ZNF831: variants seen among roughly 807,000 people sequenced by gnomAD.
The protein encoded by ZNF831 is chromosome 20 open reading frame 174.
A neutral mutation model predicts 95.8 loss-of-function variants in ZNF831; 59 were observed. The observed-to-expected ratio is 0.62, with a 90% CI of 0.50 to 0.77. The LOEUF is 0.77. ZNF831 is among the 30% of genes least tolerant of loss of function. The pLI is 0.00. For synonymous variants in ZNF831, 961 were observed against 925.5 expected (o/e 1.04, Z -0.70); for missense variants, 2,205 against 2,164.0 (o/e 1.02, Z -0.38).
chr20:59,151,780 G>A (rs529241140), intron 2 of ZNF831, among the ~76,000 whole-genome samples: 45 of 152,168 alleles, frequency 3.0e-4, no homozygotes, highest in Non-Finnish European at 5.6e-4. Flanking sequence ...TACTGGTGCC[G>A]GCTGAGCCCC....
In ZNF831 at chr20:59,169,208, A is replaced by G. The variant is rs1981533299; in HGVS notation, c.-37+5001A>G. ...AGGGAGCTTCAAAATTGCAAATTCAATCTGATAAATAGTTATAGTGTGATT... is the reference window on the plus strand; with the variant it reads ...AGGGAGCTTCAAAATTGCAAATTCAGTCTGATAAATAGTTATAGTGTGATT... On this transcript the variant is annotated intron_variant, in intron 1 of 5. Transcript: ENST00000371030. The surrounding 1 kb of genome is among the most constrained non-coding windows in gnomAD (Gnocchi z 4.1). 6.6e-6 allele frequency among the ~76,000 whole-genome samples: 1 copy of G among 152,216 alleles called. No homozygotes were observed. Among genetic ancestry groups the G allele is most frequent in the Admixed American group, 6.5e-5 (1 of 15,282 alleles).
Position 59,155,021 on chromosome 20 carries a change from C to T in ZNF831, c.-1280-4631C>T, listed in dbSNP as rs138317068. Among the ~76,000 whole-genome samples, 443 of 152,362 alleles carry T rather than the reference C, an allele frequency of 2.9e-3. 3 individuals are homozygous for T. Among genetic ancestry groups the T allele is most frequent in the Non-Finnish European group, 5.5e-3 (374 of 68,042 alleles). ...CAAGGGGGCCGCTTTCTTATTCTCC[C>T]CTGATCTTACAGCCGTGAATGAAAC... On this transcript the variant is annotated intron_variant, in intron 2 of 7. Transcript: ENST00000637017.
At chr20:59,242,321 C>T (rs1987383027) in intron 4 of ZNF831, among the ~76,000 whole-genome samples, 1 of 152,138 alleles carries the variant, frequency 6.6e-6, no homozygotes, top group Admixed American at 6.5e-5. Flanking sequence ...AAGAAATGGG[C>T]TGTTGTTTAT....
At position 59,194,372 on chromosome 20, in the gene ZNF831, C is replaced by A. The variant is rs1437672126; in HGVS notation, c.3353C>A (p.Pro1118His). The A allele has an allele frequency of 6.2e-7, 1 of 1,611,140 alleles. No individual in the cohort carries two copies. Among genetic ancestry groups the A allele is most frequent in the South Asian group, 1.1e-5 (1 of 90,794 alleles). ...GCCCCAGAAGATCCTTCTTCAGGGCCCCTGGTGGGCCCCGACCCGTGTTCC... is the reference window on the plus strand; with the variant it reads ...GCCCCAGAAGATCCTTCTTCAGGGCACCTGGTGGGCCCCGACCCGTGTTCC... ...GNAPEDPSSG[P>H]LVGPDPCSPL... The change falls in exon 2 of 6, where the codon CCC (proline) becomes CAC (histidine). Residue 1118 changes from proline to histidine, a missense_variant. Pro to His is a moderately conservative substitution (Grantham distance 77). Coordinates refer to ENST00000371030, the MANE Select transcript of ZNF831 (RefSeq NM_178457.3).
At chr20:59,175,838 G>A (rs1283184804) in intron 1 of ZNF831, among the ~76,000 whole-genome samples, 1 of 152,190 alleles carries the variant, frequency 6.6e-6, no homozygotes, top group Non-Finnish European at 1.5e-5. Flanking sequence ...GACATTTTGG[G>A]CATTATGGTA....
intron 1 of ZNF831, among the ~76,000 whole-genome samples, chr20:59,186,609 A>G (rs951821127): frequency 4.6e-5 from 7 of 152,150 alleles, no homozygotes; most frequent in Admixed American, 2.6e-4. Flanking sequence ...ATTCAGGCCT[A>G]CTGGTCTCCT....
intron 3 of ZNF831, among the ~76,000 whole-genome samples, chr20:59,200,733 A>G (rs1440716371): frequency 1.3e-5 from 2 of 151,936 alleles, no homozygotes; most frequent in East Asian, 1.9e-4. Flanking sequence ...ATCATACAAT[A>G]TATGCTCTCT....
At position 59,217,137 on chromosome 20, in the gene ZNF831, G is replaced by C. The variant is rs1029672126; in HGVS notation, c.4027+10081G>C. On this transcript the variant is annotated intron_variant, in intron 4 of 5. Transcript: ENST00000371030. This position sits in a 1 kb window ranked among gnomAD's most constrained non-coding sequence, Gnocchi z 4.4. ...AGGTAAAATGACAGTTTGGAGTCTG[G>C]AGTACATCTGACAGATCTTCATCTC... 1.1e-4 allele frequency among the ~76,000 whole-genome samples: 17 copies of C among 151,454 alleles called. No individual in the cohort carries two copies. Among genetic ancestry groups the C allele is most frequent in the South Asian group, 2.1e-4 (1 of 4,798 alleles).
intron 1 of ZNF831, among the ~76,000 whole-genome samples, chr20:59,172,132 C>A (rs896686257): frequency 6.6e-6 from 1 of 152,148 alleles, no homozygotes; most frequent in African/African-American, 2.4e-5. Context: ...ATGACTGAGT[C>A]ACGTTACTTG....
chr20:59,147,707 C>T (rs1192380822), intron 2 of ZNF831, among the ~76,000 whole-genome samples: 1 of 152,226 alleles, frequency 6.6e-6, no homozygotes, highest in South Asian at 2.1e-4. Flanking sequence ...TGGAGAACAT[C>T]TTCCAATATA....
intron 1 of ZNF831, among the ~76,000 whole-genome samples, chr20:59,139,113 T>C (rs926056627): frequency 1.3e-5 from 2 of 152,214 alleles, no homozygotes; most frequent in Non-Finnish European, 2.9e-5. Flanking sequence ...CTCTGTAATT[T>C]TGTCATTTGG....
rs1399771182 is a variant in ZNF831 at position 59,207,021 on chromosome 20, G to T, written c.3992G>T (p.Cys1331Phe). 1 of 1,614,222 alleles carries T rather than the reference G, an allele frequency of 6.2e-7. No homozygotes were observed. Among genetic ancestry groups the T allele is most frequent in the East Asian group, 2.2e-5 (1 of 44,890 alleles). ...CCCGCACTTGAGGGACTGAAGCCAT[G>T]CAGGACCCCTGGGCAGACCTCTTCA... The part of the protein sequence containing the change: ...HPPALEGLKP[C>F]RTPGQTSSEI... The change falls in exon 4 of 6, where the codon TGC (cysteine) becomes TTC (phenylalanine). Residue 1331 changes from cysteine to phenylalanine, a missense_variant. Transcript: ENST00000371030.
In ZNF831 at chr20:59,256,758, C is replaced by CTGAA. The variant is rs2146781100; in HGVS notation, c.*2016_*2019dup. The CTGAA allele has an allele frequency of 6.6e-6, 1 of 152,314 alleles. No homozygotes were observed. The highest frequency in any genetic ancestry group is 1.9e-4 in the East Asian group (1 of 5,184). 9.4% of individuals were successfully genotyped at this position (152,314 alleles called of 1,614,324 possible). A position where few individuals can be genotyped will look rare whatever the true frequency, so the allele number is the denominator to read the frequency against. On this transcript the variant is annotated 3_prime_UTR_variant, in exon 6 of 6. Coordinates refer to ENST00000371030, the MANE Select transcript of ZNF831 (RefSeq NM_178457.3). ...AAGTTTGGGTGGGGACAGTGAGGAA[C>CTGAA]TGAAACACAAGCACCTTCCACCAAT...
intron 1 of ZNF831, among the ~76,000 whole-genome samples, chr20:59,170,329 G>C (rs978110238): frequency 3.9e-5 from 6 of 152,124 alleles, no homozygotes; most frequent in Non-Finnish European, 8.8e-5. Context: ...ATTTTGAGAT[G>C]TATTTTTGTT....
chr20:59,191,666 A>G lies in ZNF831; in HGVS notation c.647A>G (p.Glu216Gly), dbSNP rs2146551356. Residue 216 changes from glutamate to glycine, a missense_variant, in exon 2 of 6, where the codon GAA becomes GGA. Physicochemically the swap from Glu to Gly is moderately conservative, Grantham distance 98 (BLOSUM62 -2). Coordinates refer to ENST00000371030, the MANE Select transcript of ZNF831 (RefSeq NM_178457.3). ...SEGAGGGLLEEGDKAGEPPRP... is the reference protein window; with the variant it reads ...SEGAGGGLLEGGDKAGEPPRP... ...GGCGCCGGGGGCGGCCTCCTGGAGG[A>G]AGGGGACAAGGCCGGAGAGCCCCCC... 6.4e-7 allele frequency: 1 copy of G among 1,559,224 alleles called. No individual in the cohort carries two copies. The highest frequency in any genetic ancestry group is 8.7e-7 in the Non-Finnish European group (1 of 1,152,902).
rs1983530279 is a variant in ZNF831 at position 59,191,557 on chromosome 20, G to C, written c.538G>C (p.Ala180Pro). Residue 180 changes from alanine to proline, a missense_variant, in exon 2 of 6, where the codon GCC becomes CCC. Ala to Pro is a conservative substitution (Grantham distance 27). Coordinates refer to ENST00000371030, the MANE Select transcript of ZNF831 (RefSeq NM_178457.3). ...CTTCCCGTGTGCCACCTGCGGCATC[G>C]CCTTTAAGACCCAGAGCAATCTCTA... ...RPFPCATCGI[A>P]FKTQSNLYKH... is the part of the protein sequence containing the mutation. The C allele has an allele frequency of 6.2e-7, 1 of 1,612,792 alleles. No homozygotes were observed.
chr20:59,137,246 C>T (rs1041944442), intron 1 of ZNF831, among the ~76,000 whole-genome samples: 4 of 151,180 alleles, frequency 2.6e-5, no homozygotes, highest in Non-Finnish European at 5.9e-5. Context: ...AAGTTATATG[C>T]ACTAATATGC....
chr20:59,224,122 C>T lies in ZNF831; in HGVS notation c.4027+17066C>T, dbSNP rs147224549. ...GCACCCACTTTGAGTACCCTCGCACCAGGAGGCCTTCAGAAGCCACCTTGG... is the reference window on the plus strand; with the variant it reads ...GCACCCACTTTGAGTACCCTCGCACTAGGAGGCCTTCAGAAGCCACCTTGG... On this transcript the variant is annotated intron_variant, in intron 4 of 5. Coordinates refer to ENST00000371030, the MANE Select transcript of ZNF831 (RefSeq NM_178457.3). Among the ~76,000 whole-genome samples the T allele has an allele frequency of 1.3e-4, 20 of 152,340 alleles. No homozygotes were observed. In the East Asian group the frequency reaches 2.9e-3, roughly 22 times the overall value.
chr20:59,127,418 C>G (rs1274008845), intron 1 of ZNF831, among the ~76,000 whole-genome samples: 1 of 152,200 alleles, frequency 6.6e-6, no homozygotes, highest in East Asian at 1.9e-4. Flanking sequence ...TGGCCTCCCT[C>G]TCACTTGGGG....
Sources: allele counts gnomAD v4.1 joint callset (sites outside exome capture counted in the v4.1 genomes callset), GRCh38; gene constraint gnomAD v4.1.1; non-coding constraint Gnocchi (gnomAD v3.1); transcripts MANE v1.5; gene names NCBI Gene and HGNC (gene_info 2026-07-23, HGNC 2026-07-21).